RUFY4: variants seen among roughly 807,000 people sequenced by gnomAD.
The protein encoded by RUFY4 is RUN and FYVE domain containing 4.
In RUFY4, 73 loss-of-function variants were observed where a neutral mutation model predicts 69.0. The ratio of observed to expected loss-of-function variants is 1.06; its 90% CI spans 0.88 to 1.29. The LOEUF (loss-of-function observed/expected upper bound fraction) is 1.29. Ranked by LOEUF, RUFY4 falls within the 50% of genes most tolerant of loss-of-function variation. The pLI, the probability that RUFY4 is intolerant of heterozygous loss-of-function variation, is 0.00. For synonymous variants in RUFY4, 287 were observed against 271.8 expected, an observed-to-expected ratio of 1.06 and a Z score of -0.55; for missense variants, 770 against 705.6, an observed-to-expected ratio of 1.09 and a Z score of -1.03.
chr2:218,073,693 G>A, intron 5 of RUFY4, 123 bp from the exon 8 acceptor site: 1 of 1,037,566 alleles, frequency 9.6e-7, no homozygotes, highest in Non-Finnish European at 1.4e-6. Context: ...GAGGGTGGGT[G>A]GGCAGGAAGG....
intron 2 of RUFY4, among the ~76,000 whole-genome samples, chr2:218,046,405 T>C (rs1026185642): frequency 4.6e-5 from 7 of 152,116 alleles, no homozygotes; most frequent in Admixed American, 2.6e-4. Context: ...TTTTCACTTC[T>C]ATGAGTTCAA....
At chr2:218,052,141 T>C (rs1426502335) in intron 2 of RUFY4, among the ~76,000 whole-genome samples, 1 of 152,230 alleles carries the variant, frequency 6.6e-6, no homozygotes, top group Non-Finnish European at 1.5e-5. Context: ...ATACATCTTT[T>C]TGCTTTACTA....
intron 2 of RUFY4, among the ~76,000 whole-genome samples, chr2:218,043,539 T>G (rs1227087288): frequency 6.6e-6 from 1 of 152,202 alleles, no homozygotes; most frequent in Non-Finnish European, 1.5e-5. Flanking sequence ...TCTGCAGTTC[T>G]CAGCACAGAT....
chr2:218,050,243 C>T (rs1688913503), intron 2 of RUFY4, among the ~76,000 whole-genome samples: 1 of 152,184 alleles, frequency 6.6e-6, no homozygotes, highest in Admixed American at 6.5e-5. Context: ...TTTCTTCTGT[C>T]ACTCAATAAA....
At chr2:218,038,295 G>A (rs746635427) in intron 2 of RUFY4, among the ~76,000 whole-genome samples, 40 of 147,732 alleles carry the variant, frequency 2.7e-4, no homozygotes, top group Middle Eastern at 3.4e-3. Flanking sequence ...TGGACAATAT[G>A]TCTTGAAATG....
At chr2:218,089,564 G>C in intron 10 of RUFY4, 1 of 651,498 alleles carries the variant, frequency 1.5e-6, no homozygotes. Context: ...ATCAGATAAG[G>C]AATGGGGTCC....
intron 3 of RUFY4, chr2:218,061,140 C>T (rs994777057): frequency 1.5e-5 from 7 of 467,844 alleles, no homozygotes; most frequent in East Asian, 1.0e-4. Flanking sequence ...AAGAACAGGT[C>T]GGCCAAGGCC....
At chr2:218,069,406 GC>G (rs1308746160), upstream of RUFY4, 1 of 152,118 alleles carries the variant, frequency 6.6e-6, no homozygotes, top group Non-Finnish European at 1.5e-5. Context: ...GATGCCAGGA[GC>G]CAGGGGAGGA....
chr2:218,053,797 C>T (rs934434704), intron 2 of RUFY4, among the ~76,000 whole-genome samples: 1 of 152,230 alleles, frequency 6.6e-6, no homozygotes, highest in Non-Finnish European at 1.5e-5. Context: ...CGCGCCCAGC[C>T]GCACCCGGCT....
chr2:218,089,946 T>A lies in RUFY4; in HGVS notation c.1614-6T>A, dbSNP rs80044595. 2 of 1,554,584 alleles carry A rather than the reference T, an allele frequency of 1.3e-6. No individual in the cohort carries two copies. Among genetic ancestry groups the A allele is most frequent in the Admixed American group, 1.9e-5 (1 of 51,474 alleles). The stretch of plus-strand genomic sequence containing the variant: ...CGCCCCAGGCTTTCCTGCCTCTGCC[T>A]TCCAGGCTCTGTGGAGGCCTGCTCT... On this transcript the variant is annotated splice_region_variant and splice_polypyrimidine_tract_variant and intron_variant, in intron 10 of 10. Coordinates refer to ENST00000344321, the Ensembl canonical transcript of RUFY4.
At chr2:218,057,520 GTTC>G (rs1420070539) in intron 2 of RUFY4, among the ~76,000 whole-genome samples, 1 of 151,920 alleles carries the variant, frequency 6.6e-6, no homozygotes, top group Non-Finnish European at 1.5e-5. Flanking sequence ...ATTTTTTAAG[GTTC>G]TTCTTTAAAA....
chr2:218,089,617 TG>T, intron 10 of RUFY4: 1 of 690,204 alleles, frequency 1.4e-6, no homozygotes, highest in South Asian at 1.5e-5. Flanking sequence ...GATTGAGAAA[TG>T]GGCCTCTCAT....
At chr2:218,083,143 G>A (rs2106070024) in exon 9 of RUFY4, 2 of 1,613,660 alleles carry the variant, frequency 1.2e-6, no homozygotes, top group Middle Eastern at 3.4e-4. Context: ...TGCAGGCACA[G>A]CTGGAGCAGA....
intron 3 of RUFY4, chr2:218,060,067 CTT>C: frequency 4.0e-6 from 1 of 251,276 alleles, no homozygotes; most frequent in Admixed American, 5.4e-5. Flanking sequence ...TAGATTTTCA[CTT>C]CTTAGAACAT....
chr2:218,065,087 G>T (rs763041032), upstream of RUFY4, among the ~76,000 whole-genome samples: 1 of 152,174 alleles, frequency 6.6e-6, no homozygotes, highest in Non-Finnish European at 1.5e-5. Context: ...AACGGGTGGA[G>T]AATCATCTCA....
intron 9 of RUFY4, among the ~76,000 whole-genome samples, chr2:218,084,889 A>T (rs1002494541): frequency 2.0e-5 from 3 of 152,154 alleles, no homozygotes; most frequent in Non-Finnish European, 4.4e-5. Context: ...ATCTACTAAA[A>T]ATACAAAAAT....
intron 2 of RUFY4, among the ~76,000 whole-genome samples, chr2:218,072,061 T>TGTAA (rs144599571): frequency 0.018 from 2,748 of 152,198 alleles, 84 homozygotes; most frequent in African/African-American, 0.063. Context: ...TGGATCAAGA[T>TGTAA]GTAAGTATCA....
rs552092841 is a variant in RUFY4 at position 218,079,879 on chromosome 2, T to C, written c.1356-3231T>C. Among the ~76,000 whole-genome samples the C allele has an allele frequency of 3.3e-5, 5 of 151,960 alleles. No homozygotes were observed. The East Asian group carries it at 9.7e-4, about 29-fold the overall frequency. On this transcript the variant is annotated intron_variant, in intron 8 of 10. Transcript: ENST00000344321. ...CCTGCTCTAGAAGACCTGGGACAGA[T>C]AAACAGATAGCAATCCAATGGCCAT...
intron 3 of RUFY4, among the ~76,000 whole-genome samples, chr2:218,062,869 C>A (rs1263653928): frequency 1.3e-5 from 2 of 152,224 alleles, no homozygotes; most frequent in Non-Finnish European, 2.9e-5. Context: ...AGCCAGCCTG[C>A]ACCCCAATAA....
Sources: allele counts gnomAD v4.1 joint callset (sites outside exome capture counted in the v4.1 genomes callset), GRCh38; gene constraint gnomAD v4.1.1; transcripts MANE v1.5; gene names NCBI Gene and HGNC (gene_info 2026-07-23, HGNC 2026-07-21).